LRRN2: variants seen among roughly 807,000 people sequenced by gnomAD.
LRRN2 encodes the protein leucine rich repeat neuronal 2.
A neutral mutation model predicts 35.7 loss-of-function variants in LRRN2; 10 were observed. The observed-to-expected ratio is 0.28, with a 90% CI of 0.17 to 0.47. The LOEUF is 0.47. Ranked by LOEUF, LRRN2 falls within the 20% of genes least tolerant of loss-of-function variation. The pLI, the probability that LRRN2 is intolerant of heterozygous loss-of-function variation, is 0.99. For synonymous variants in LRRN2, 391 were observed against 409.6 expected (o/e 0.95, Z 0.55); for missense variants, 731 against 940.3 (o/e 0.78, Z 2.91).
At chr1:204,646,573 T>C (rs1331417032) in intron 1 of LRRN2, among the ~76,000 whole-genome samples, 1 of 152,098 alleles carries the variant, frequency 6.6e-6, no homozygotes, top group Admixed American at 6.5e-5. Flanking sequence ...TTTTCTCCCT[T>C]CATGAGAACC....
chr1:204,650,162 G>T (rs1312334956), intron 1 of LRRN2, among the ~76,000 whole-genome samples: 1 of 152,226 alleles, frequency 6.6e-6, no homozygotes, highest in Non-Finnish European at 1.5e-5. Flanking sequence ...AGTGCCCACT[G>T]GCAGGTGAGG....
At chr1:204,674,861 T>G (rs150739074) in intron 1 of LRRN2, among the ~76,000 whole-genome samples, 1,960 of 152,358 alleles carry the variant, frequency 0.013, 45 homozygotes, top group African/African-American at 0.045. Context: ...TCAGAGCTGC[T>G]CATCTTCCTG....
chr1:204,636,908 T>C (rs1667848804), intron 1 of LRRN2, among the ~76,000 whole-genome samples: 1 of 152,224 alleles, frequency 6.6e-6, no homozygotes, highest in Non-Finnish European at 1.5e-5. Flanking sequence ...AAAAACATTG[T>C]AAGCAAAAAT....
At chr1:204,645,863 GA>G (rs1172942339) in intron 1 of LRRN2, among the ~76,000 whole-genome samples, 1 of 152,152 alleles carries the variant, frequency 6.6e-6, no homozygotes, top group Non-Finnish European at 1.5e-5. Flanking sequence ...GGGCATGGGG[GA>G]AACCACGCCC....
At chr1:204,660,854 T>A (rs988501246) in intron 1 of LRRN2, among the ~76,000 whole-genome samples, 3 of 152,220 alleles carry the variant, frequency 2.0e-5, no homozygotes, top group African/African-American at 7.2e-5. Context: ...GTGCCTGGAC[T>A]CTCTGGCAAG....
At chr1:204,648,402 C>T (rs1668154187) in intron 1 of LRRN2, among the ~76,000 whole-genome samples, 1 of 152,148 alleles carries the variant, frequency 6.6e-6, no homozygotes, top group South Asian at 2.1e-4. Context: ...TCCAGGGACC[C>T]CAAGAAAATA....
intron 1 of LRRN2, among the ~76,000 whole-genome samples, chr1:204,627,924 A>G (rs1469799951): frequency 6.6e-6 from 1 of 152,108 alleles, no homozygotes; most frequent in Non-Finnish European, 1.5e-5. Flanking sequence ...AGCTCAGAGA[A>G]TATCCGGAGA....
chr1:204,631,536 T>G (rs1667704623), intron 1 of LRRN2, among the ~76,000 whole-genome samples: 3 of 151,028 alleles, frequency 2.0e-5, no homozygotes, highest in Admixed American at 1.3e-4. Flanking sequence ...ATAAAAGTTG[T>G]CACAGAGCAA....
At chr1:204,630,961 C>G (rs967088451) in intron 1 of LRRN2, among the ~76,000 whole-genome samples, 2 of 151,924 alleles carry the variant, frequency 1.3e-5, no homozygotes, top group African/African-American at 4.8e-5. Flanking sequence ...GGTTTCTCAT[C>G]TGCAAAATGA....
chr1:204,677,281 C>T (rs78800262), intron 1 of LRRN2, among the ~76,000 whole-genome samples: 1 of 152,168 alleles, frequency 6.6e-6, no homozygotes, highest in African/African-American at 2.4e-5. Flanking sequence ...TGCTGGGGTA[C>T]AGCGGGTGTG....
At chr1:204,632,385 C>A (rs1667727616) in intron 1 of LRRN2, among the ~76,000 whole-genome samples, 1 of 151,878 alleles carries the variant, frequency 6.6e-6, no homozygotes, top group Admixed American at 6.6e-5. Context: ...AATCCCAGCA[C>A]TTTGGGAGGC....
chr1:204,623,303 A>G (rs1161786090), intron 1 of LRRN2, among the ~76,000 whole-genome samples: 1 of 152,204 alleles, frequency 6.6e-6, no homozygotes, highest in Non-Finnish European at 1.5e-5. Context: ...GGATCAAGGA[A>G]CCATTTAAAA....
At chr1:204,623,446 C>A (rs573672252) in intron 1 of LRRN2, among the ~76,000 whole-genome samples, 1 of 152,340 alleles carries the variant, frequency 6.6e-6, no homozygotes, top group African/African-American at 2.4e-5. Flanking sequence ...GGGGCTGGGC[C>A]TCGGGATCCA....
chr1:204,679,799 C>T (rs776078626), intron 1 of LRRN2, among the ~76,000 whole-genome samples: 2 of 152,236 alleles, frequency 1.3e-5, no homozygotes, highest in Non-Finnish European at 2.9e-5. Flanking sequence ...GATAGTGGCT[C>T]CATGTGGCCC....
chr1:204,632,833 C>T (rs918333903), intron 1 of LRRN2, among the ~76,000 whole-genome samples: 1 of 151,310 alleles, frequency 6.6e-6, no homozygotes, highest in Non-Finnish European at 1.5e-5. Context: ...ACATGGGAGG[C>T]TGAGGCAGGA....
rs748943893 is a variant in LRRN2 at position 204,619,253 on chromosome 1, T to C, written c.740A>G (p.Asn247Ser). ...CCGCCTGGGCACCCGGGCCAGCTGGTTGTCATAGAAGGAGAGGCTCTCCAG... is the reference window on the plus strand; with the variant it reads ...CCGCCTGGGCACCCGGGCCAGCTGGCTGTCATAGAAGGAGAGGCTCTCCAG... ...QSLESLSFYD[N>S]QLARVPRRAL... The change falls in exon 2 of 2, where the codon AAC (asparagine) becomes AGC (serine). Residue 247 changes from asparagine to serine, a missense_variant. Asn to Ser is a conservative substitution (Grantham distance 46). Transcript: ENST00000367177. 6.2e-7 allele frequency: 1 copy of C among 1,613,972 alleles called. No homozygotes were observed. Among genetic ancestry groups the C allele is most frequent in the Non-Finnish European group, 8.5e-7 (1 of 1,180,038 alleles).
chr1:204,654,276 C>G (rs72753878), intron 1 of LRRN2, among the ~76,000 whole-genome samples: 3,801 of 152,166 alleles, frequency 0.025, 83 homozygotes, highest in Non-Finnish European at 0.037. Context: ...AGAAGGGGTA[C>G]GAGGAGCCTT....
chr1:204,630,039 T>G (rs1667641710), intron 1 of LRRN2, among the ~76,000 whole-genome samples: 1 of 152,112 alleles, frequency 6.6e-6, no homozygotes. Flanking sequence ...AACCCCAGCA[T>G]CATGCAATTT....
At position 204,619,176 on chromosome 1, in the gene LRRN2, G is replaced by A. The variant is rs768539269; in HGVS notation, c.817C>T (p.Leu273Phe). Reference protein sequence around the residue: ...LKFLDLNKNPLQRVGPGDFAN... With the variant: ...LKFLDLNKNPFQRVGPGDFAN... ...AAGTCCCCCGGCCCTACCCGCTGGA[G>A]CGGGTTCTTGTTGAGGTCTAGGAAC... The change falls in exon 2 of 2, where the codon CTC (leucine) becomes TTC (phenylalanine). Residue 273 changes from leucine to phenylalanine, a missense_variant. Physicochemically the swap from Leu to Phe is conservative, Grantham distance 22. Transcript: ENST00000367177. 3 of 1,614,090 alleles carry A rather than the reference G, an allele frequency of 1.9e-6. No homozygotes were observed. In the East Asian group the frequency reaches 6.7e-5, roughly 36 times the overall value.
Sources: gnomAD v4.1 joint callset for allele counts (sites outside exome capture counted in the v4.1 genomes callset) on GRCh38, gnomAD v4.1.1 for gene constraint, MANE v1.5 for transcripts, NCBI Gene and HGNC (gene_info 2026-07-23, HGNC 2026-07-21) for gene names.